Variants in VAV1 observed in about 807,000 individuals in gnomAD.
The protein encoded by VAV1 is proto-oncogene vav.
Under a neutral mutation model 128.1 loss-of-function variants are expected in VAV1, and 33 were observed. That is an observed-to-expected ratio of 0.26 (90% CI 0.20 to 0.34). The LOEUF is 0.34. VAV1 is among the 10% of genes least tolerant of loss of function. The probability of loss-of-function intolerance (pLI) is 1.00; values close to 1 mark genes in which losing one functional copy is unlikely to be tolerated. For synonymous variants in VAV1, 394 were observed against 409.8 expected, an observed-to-expected ratio of 0.96 and a Z score of 0.47; for missense variants, 715 against 1,093.7, an observed-to-expected ratio of 0.65 and a Z score of 4.88.
intron 1 of VAV1, among the ~76,000 whole-genome samples, chr19:6,781,844 G>T (rs1489394207): frequency 6.6e-6 from 1 of 152,066 alleles, no homozygotes; most frequent in Non-Finnish European, 1.5e-5. Flanking sequence ...CTGACCTCGA[G>T]TGATCCACCC....
chr19:6,824,789 C>T (rs145367293), intron 6 of VAV1, among the ~76,000 whole-genome samples: 1 of 152,140 alleles, frequency 6.6e-6, no homozygotes, highest in East Asian at 1.9e-4. Context: ...CTCAGGCTCC[C>T]AAAGTGCTGG....
intron 21 of VAV1, among the ~76,000 whole-genome samples, chr19:6,840,686 A>G (rs1972351671): frequency 7.2e-6 from 1 of 139,084 alleles, no homozygotes; most frequent in Admixed American, 7.4e-5. Context: ...CTCACTGCAG[A>G]CTCGACCCCC....
At chr19:6,796,474 A>C (rs1215366941) in intron 1 of VAV1, among the ~76,000 whole-genome samples, 3 of 151,946 alleles carry the variant, frequency 2.0e-5, no homozygotes, top group Non-Finnish European at 2.9e-5. Flanking sequence ...AGGCACACAG[A>C]TCTCCTGGCT....
intron 22 of VAV1, among the ~76,000 whole-genome samples, chr19:6,844,148 A>G (rs932452105): frequency 1.6e-5 from 2 of 121,922 alleles, no homozygotes; most frequent in Admixed American, 1.1e-4. Context: ...TTAATGTCAC[A>G]TGGTGAGGAA....
intron 21 of VAV1, among the ~76,000 whole-genome samples, chr19:6,840,612 A>AT (rs1972349388): frequency 6.8e-6 from 1 of 147,670 alleles, no homozygotes; most frequent in Non-Finnish European, 1.5e-5. Flanking sequence ...TTTTATTTTT[A>AT]TTTTTTTGGG....
chr19:6,826,683 C>A lies in VAV1; in HGVS notation c.899C>A (p.Ala300Asp), dbSNP rs868005702. Residue 300 changes from alanine (A) to aspartate (D), a missense_variant, in exon 9 of 27, where the codon GCC (alanine) becomes GAC (aspartate). Transcript: ENST00000602142. This position sits in a 1 kb window ranked among gnomAD's most constrained non-coding sequence, Gnocchi z 4.1. ...AAACACCTGGACCGTGTGGCCGCAG[C>A]CCGGGAGGACGTGCAGATGAAGCTG... ...ASKHLDRVAA[A>D]REDVQMKLEE... The A allele has an allele frequency of 6.4e-7, 1 of 1,557,424 alleles. No homozygotes were observed.
At chr19:6,807,685 G>A (rs1216520674) in intron 1 of VAV1, among the ~76,000 whole-genome samples, 1 of 151,850 alleles carries the variant, frequency 6.6e-6, no homozygotes, top group Non-Finnish European at 1.5e-5. Flanking sequence ...GCACTCAACT[G>A]GGCAACAGAG....
rs1434842409 is a variant in VAV1, at chr19:6,777,429, A to C, written c.204+4418A>C. ...GAAGAAATAAGACAATGTATAAGTC[A>C]TCAGGAGGTGGTATGTACTGCTCTG... On this transcript the variant is annotated intron_variant, in intron 1 of 26. Transcript: ENST00000602142. The surrounding 1 kb of genome is among the most constrained non-coding windows in gnomAD (Gnocchi z 4.4). 1.3e-5 allele frequency among the ~76,000 whole-genome samples: 2 copies of C among 152,208 alleles called. No individual in the cohort carries two copies. Among genetic ancestry groups the C allele is most frequent in the African/African-American group, 4.8e-5 (2 of 41,446 alleles).
At chr19:6,805,292 G>GCACA (rs1467809042) in intron 1 of VAV1, among the ~76,000 whole-genome samples, 2 of 151,722 alleles carry the variant, frequency 1.3e-5, no homozygotes, top group Admixed American at 1.3e-4. Context: ...GGGTATGGTG[G>GCACA]CACACACCTG....
intron 1 of VAV1, among the ~76,000 whole-genome samples, chr19:6,783,178 C>CA (rs112842149): frequency 1.1e-4 from 17 of 151,562 alleles, no homozygotes; most frequent in African/African-American, 3.9e-4. Flanking sequence ...GACTCCGTCT[C>CA]AAAAAAAACA....
At chr19:6,805,152 CA>C (rs1278727478) in intron 1 of VAV1, among the ~76,000 whole-genome samples, 1 of 151,964 alleles carries the variant, frequency 6.6e-6, no homozygotes, top group African/African-American at 2.4e-5. Flanking sequence ...AGGCCGGGCG[CA>C]GCGGTTCATG....
intron 1 of VAV1, among the ~76,000 whole-genome samples, chr19:6,794,812 T>C (rs1462076825): frequency 6.6e-6 from 1 of 152,176 alleles, no homozygotes; most frequent in Non-Finnish European, 1.5e-5. Context: ...ACAGATTCTA[T>C]GACTCAGGAA....
chr19:6,844,082 T>C (rs1226971330), intron 22 of VAV1, among the ~76,000 whole-genome samples: 15 of 111,134 alleles, frequency 1.3e-4, no homozygotes, highest in Middle Eastern at 3.9e-3. Context: ...TTTTTTTTTT[T>C]TTTTTTTTTT....
intron 1 of VAV1, among the ~76,000 whole-genome samples, chr19:6,801,565 G>A (rs1205777403): frequency 6.6e-6 from 1 of 152,110 alleles, no homozygotes; most frequent in Non-Finnish European, 1.5e-5. Context: ...GGGAACCCTC[G>A]GGAGCTTGAG....
At chr19:6,795,699 T>G (rs924356027) in intron 1 of VAV1, among the ~76,000 whole-genome samples, 1 of 152,026 alleles carries the variant, frequency 6.6e-6, no homozygotes, top group Non-Finnish European at 1.5e-5. Flanking sequence ...TTGTTTGTTT[T>G]TTGAGATGGA....
intron 15 of VAV1, 63 bp downstream of exon 15, chr19:6,832,263 G>C (rs1406664995): frequency 2.0e-6 from 3 of 1,488,502 alleles, no homozygotes; most frequent in South Asian, 1.2e-5. Context: ...AAGGAGGAAC[G>C]TGATCTAGTC....
In VAV1 at chr19:6,854,034, A is replaced by G; in HGVS notation, c.2420A>G (p.Asp807Gly). 6.2e-7 allele frequency: 1 copy of G among 1,613,994 alleles called. No homozygotes were observed. The highest frequency in any genetic ancestry group is 8.5e-7 in the Non-Finnish European group (1 of 1,180,036). The change falls in exon 26 of 27, where the codon GAC becomes GGC. Residue 807 changes from aspartate (D) to glycine (G), a missense_variant. This residue lies in a region of VAV1 where 407 missense variants were observed against 580.6 expected (regional missense o/e 0.70). Transcript: ENST00000602142. Reference sequence around the variant, plus strand: ...TCAGAGCTGTCGCTCAAGGAGGGTGACATCATCAAGATCCTTAACAAGAAG... The same window carrying G: ...TCAGAGCTGTCGCTCAAGGAGGGTGGCATCATCAAGATCCTTAACAAGAAG... ...DRSELSLKEG[D>G]IIKILNKKGQ...
chr19:6,793,089 C>A (rs566296165), intron 1 of VAV1, among the ~76,000 whole-genome samples: 1 of 152,224 alleles, frequency 6.6e-6, no homozygotes, highest in East Asian at 1.9e-4. Context: ...AATCCCAGCA[C>A]TTTGGGAGGC....
At chr19:6,823,057 T>C (rs1430214761) in intron 6 of VAV1, among the ~76,000 whole-genome samples, 1 of 148,406 alleles carries the variant, frequency 6.7e-6, no homozygotes, top group Non-Finnish European at 1.5e-5. Context: ...ATACAAGATA[T>C]ATGTCCATAT....
Sources: allele counts gnomAD v4.1 joint callset (sites outside exome capture counted in the v4.1 genomes callset), GRCh38; gene constraint gnomAD v4.1.1; regional missense constraint gnomAD v4.1.1; non-coding constraint Gnocchi (gnomAD v3.1); transcripts MANE v1.5; gene names NCBI Gene and HGNC (gene_info 2026-07-23, HGNC 2026-07-21).